The following SDAD1 variants were observed in gnomAD, a reference collection of about 807,000 sequenced individuals.
The protein encoded by SDAD1 is protein SDA1 homolog.
SDAD1 carries 79 observed loss-of-function variants against 100.3 expected under a neutral mutation model. That is an observed-to-expected ratio of 0.79 (90% CI 0.66 to 0.95). SDAD1 has a LOEUF of 0.95. Ranked by LOEUF, SDAD1 falls within the 40% of genes least tolerant of loss-of-function variation. The probability of loss-of-function intolerance (pLI) is 0.00; values close to 1 mark genes in which losing one functional copy is unlikely to be tolerated. For missense variants in SDAD1, 790 were observed against 810.9 expected (o/e 0.97, Z 0.31); for synonymous variants, 267 against 271.4 (o/e 0.98, Z 0.16).
chr4:75,976,467 T>C (rs1730164697), intron 4 of SDAD1, among the ~76,000 whole-genome samples: 1 of 152,214 alleles, frequency 6.6e-6, no homozygotes, highest in Admixed American at 6.5e-5. Flanking sequence ...ATCTAGTCAC[T>C]AAAGACCACA....
chr4:75,965,910 C>G, intron 12 of SDAD1, 88 bp from the exon 13 acceptor site: 1 of 1,087,794 alleles, frequency 9.2e-7, no homozygotes, highest in East Asian at 2.4e-5. Context: ...TCATTCTGGT[C>G]TAAATGGTAT....
Position 75,960,113 on chromosome 4 carries a change from G to A in SDAD1, c.1436C>T (p.Ala479Val), listed in dbSNP as rs1199860968. 5 of 1,611,158 alleles carry A rather than the reference G, an allele frequency of 3.1e-6. No individual in the cohort carries two copies. The highest frequency in any genetic ancestry group is 2.1e-4 in the Middle Eastern group (1 of 4,808). Residue 479 changes from alanine (A) to valine (V), a missense_variant, in exon 17 of 22, where the codon GCA becomes GTA. By Grantham distance (64) the Ala-to-Val change is moderately conservative. Transcript: ENST00000356260. Reference protein sequence around the residue: ...ELDAKDYIPGAEVLEVEKEEN... With the variant: ...ELDAKDYIPGVEVLEVEKEEN... ...TTCTTTCTCAACTTCCAGAACTTCT[G>A]CTCCTGGAATGTAATCTTTAGCATC...
intron 14 of SDAD1, among the ~76,000 whole-genome samples, chr4:75,962,709 A>G (rs1729316802): frequency 6.6e-6 from 1 of 152,164 alleles, no homozygotes; most frequent in Non-Finnish European, 1.5e-5. Context: ...TTTGAGAAGC[A>G]TCTGTTCATA....
intron 4 of SDAD1, 58 bp downstream of exon 4, chr4:75,977,588 A>G: frequency 9.2e-7 from 1 of 1,088,968 alleles, no homozygotes; most frequent in Admixed American, 1.8e-5. Context: ...TTCAAGAGAC[A>G]ACAAAATTTT....
rs769923618 is a variant in SDAD1 at position 75,990,877 on chromosome 4, A to C, written c.-36T>G. ...GACAGACTTCGCGGCGAGCAGTTTT[A>C]AAAAAACTCAGACGGCCGGCACCCC... On this transcript the variant is annotated 5_prime_UTR_variant, in exon 1 of 22. Coordinates refer to ENST00000356260, the MANE Select transcript of SDAD1 (RefSeq NM_018115.4). The C allele has an allele frequency of 2.5e-5, 41 of 1,613,424 alleles. No individual in the cohort carries two copies. Among genetic ancestry groups the C allele is most frequent in the Non-Finnish European group, 3.2e-5 (38 of 1,179,796 alleles).
chr4:75,988,153 T>G (rs1376144463), intron 1 of SDAD1, among the ~76,000 whole-genome samples: 1 of 152,222 alleles, frequency 6.6e-6, no homozygotes, highest in Non-Finnish European at 1.5e-5. Flanking sequence ...GTGTCTCTGC[T>G]TCTATCTTTG....
At chr4:75,974,233 A>G (rs1730027268) in intron 6 of SDAD1, 100 bp from the exon 7 acceptor site, 1 of 938,886 alleles carries the variant, frequency 1.1e-6, no homozygotes, top group Non-Finnish European at 1.7e-6. Flanking sequence ...AATGTTTGTG[A>G]CGTACTAGAA....
chr4:75,962,012 A>T (rs1729266610), intron 14 of SDAD1, among the ~76,000 whole-genome samples: 1 of 152,176 alleles, frequency 6.6e-6, no homozygotes, highest in Non-Finnish European at 1.5e-5. Context: ...ACTCGTCATT[A>T]ACATTGGGTA....
chr4:75,959,539 G>C (rs1229074335), intron 17 of SDAD1, among the ~76,000 whole-genome samples: 1 of 152,124 alleles, frequency 6.6e-6, no homozygotes, highest in African/African-American at 2.4e-5. Flanking sequence ...GGGAGATGGA[G>C]GTTGCAGTGA....
intron 3 of SDAD1, among the ~76,000 whole-genome samples, chr4:75,979,835 TA>T (rs971489814): frequency 2.6e-5 from 4 of 151,622 alleles, no homozygotes; most frequent in African/African-American, 7.3e-5. Flanking sequence ...TTTTTCCATT[TA>T]AAAAAAAATT....
At chr4:75,962,882 A>T (rs921849783) in intron 14 of SDAD1, among the ~76,000 whole-genome samples, 2 of 152,030 alleles carry the variant, frequency 1.3e-5, no homozygotes, top group African/African-American at 4.8e-5. Flanking sequence ...GCTGTGCAGA[A>T]GCTCTTTAGT....
At chr4:75,990,286 C>G (rs892183683) in intron 1 of SDAD1, among the ~76,000 whole-genome samples, 72 of 136,502 alleles carry the variant, frequency 5.3e-4, no homozygotes, top group South Asian at 2.1e-3. Flanking sequence ...CCCCCCCCCC[C>G]CTTTCCTGGC....
chr4:75,966,534 A>C (rs951236522), intron 12 of SDAD1, among the ~76,000 whole-genome samples: 3 of 152,160 alleles, frequency 2.0e-5, no homozygotes, highest in Non-Finnish European at 4.4e-5. Flanking sequence ...AATAAATGTT[A>C]GTTTCCTTCC....
At chr4:75,976,560 C>A (rs1332530128) in intron 4 of SDAD1, among the ~76,000 whole-genome samples, 1 of 152,056 alleles carries the variant, frequency 6.6e-6, no homozygotes, top group Non-Finnish European at 1.5e-5. Flanking sequence ...TTACCTAGAG[C>A]TAAAAGGGAT....
chr4:75,958,048 T>C, intron 17 of SDAD1, 107 bp from the exon 18 acceptor site: 1 of 878,284 alleles, frequency 1.1e-6, no homozygotes, highest in Non-Finnish European at 1.9e-6. Flanking sequence ...ACAGATACAT[T>C]ATTAACCAAG....
intron 1 of SDAD1, among the ~76,000 whole-genome samples, chr4:75,986,569 G>C (rs1433895484): frequency 6.6e-6 from 1 of 152,088 alleles, no homozygotes; most frequent in African/African-American, 2.4e-5. Context: ...AGCCCCTCCA[G>C]TTATGCATTA....
chr4:75,959,988 A>C, intron 17 of SDAD1, 78 bp downstream of exon 17: 1 of 1,425,790 alleles, frequency 7.0e-7, no homozygotes, highest in Non-Finnish European at 9.4e-7. Context: ...ATGAATGTTC[A>C]AATAGTATAC....
At chr4:75,952,213 A>G (rs946645415) in intron 21 of SDAD1, among the ~76,000 whole-genome samples, 1 of 152,258 alleles carries the variant, frequency 6.6e-6, no homozygotes, top group African/African-American at 2.4e-5. Flanking sequence ...CAGTAACTGC[A>G]CATACTGTTG....
intron 1 of SDAD1, 35 bp from the exon 2 acceptor site, chr4:75,982,072 T>A: frequency 7.5e-7 from 1 of 1,324,560 alleles, no homozygotes; most frequent in Non-Finnish European, 1.1e-6. Context: ...TGTCACATTG[T>A]ATTACATGAC....
Sources: gnomAD v4.1 joint callset for allele counts (sites outside exome capture counted in the v4.1 genomes callset) on GRCh38, gnomAD v4.1.1 for gene constraint, MANE v1.5 for transcripts, NCBI Gene and HGNC (gene_info 2026-07-23, HGNC 2026-07-21) for gene names.